Variants in SEM1 observed in about 807,000 individuals in gnomAD.
The protein encoded by SEM1 is SEM1 26S proteasome subunit.
A neutral mutation model predicts 12.7 loss-of-function variants in SEM1; 3 were observed. The ratio of observed to expected loss-of-function variants is 0.24; its 90% confidence interval spans 0.11 to 0.61. The LOEUF is 0.61. Among genes scored for constraint, SEM1 ranks in the 20% least tolerant of loss-of-function variants. SEM1 has a pLI of 0.88. For missense variants in SEM1, 59 were observed against 81.3 expected, an observed-to-expected ratio of 0.73 and a Z score of 1.06; for synonymous variants, 30 against 27.8, an observed-to-expected ratio of 1.08 and a Z score of -0.25.
intron 2 of SEM1, among the ~76,000 whole-genome samples, chr7:96,522,819 A>T (rs931904670): frequency 1.5e-5 from 2 of 135,998 alleles, no homozygotes; most frequent in African/African-American, 5.5e-5. Context: ...TGAACCTGGG[A>T]GGCGGAGGTT....
At chr7:96,706,206 A>G (rs1790456883) in intron 1 of SEM1, 1 of 152,228 alleles carries the variant, frequency 6.6e-6, no homozygotes, top group Admixed American at 6.5e-5. Flanking sequence ...GGGAAAAAAT[A>G]AAAGCAGCAT....
intron 2 of SEM1, among the ~76,000 whole-genome samples, chr7:96,651,525 A>C (rs1181808892): frequency 1.3e-5 from 2 of 152,180 alleles, no homozygotes; most frequent in African/African-American, 2.4e-5. Context: ...CTGAAGAAGA[A>C]GCTTCAACCC....
At chr7:96,704,793 ACTGG>A (rs1790394987) in intron 1 of SEM1, among the ~76,000 whole-genome samples, 1 of 152,234 alleles carries the variant, frequency 6.6e-6, no homozygotes, top group Non-Finnish European at 1.5e-5. Context: ...CATTATCAAT[ACTGG>A]TCACATCTAT....
intron 2 of SEM1, among the ~76,000 whole-genome samples, chr7:96,582,141 G>A (rs867434478): frequency 0.013 from 2,036 of 151,084 alleles, 40 homozygotes; most frequent in African/African-American, 0.046. Flanking sequence ...TTTGAAATAC[G>A]TCCCATCAAT....
intron 2 of SEM1, among the ~76,000 whole-genome samples, chr7:96,522,793 A>C (rs1804324762): frequency 7.3e-6 from 1 of 137,642 alleles, no homozygotes; most frequent in African/African-American, 2.7e-5. Flanking sequence ...CCAGGGGCTG[A>C]GGTGGGAGAA....
intron 1 of SEM1, among the ~76,000 whole-genome samples, chr7:96,487,859 A>T (rs1354021864): frequency 1.3e-5 from 2 of 150,096 alleles, no homozygotes; most frequent in Non-Finnish European, 2.9e-5. Context: ...GGAATGCAAT[A>T]GTCTACATTT....
intron 2 of SEM1, among the ~76,000 whole-genome samples, chr7:96,526,157 T>G (rs1281680479): frequency 6.6e-6 from 1 of 152,172 alleles, no homozygotes; most frequent in Non-Finnish European, 1.5e-5. Context: ...ACTAGCAATG[T>G]AGAAAATAAT....
chr7:96,556,810 CA>C (rs1805518730), intron 2 of SEM1, among the ~76,000 whole-genome samples: 1 of 136,044 alleles, frequency 7.4e-6, no homozygotes. Context: ...CCATTCTCCC[CA>C]TCACTTTCAG....
chr7:96,619,754 C>T (rs1395104160), downstream of SEM1, among the ~76,000 whole-genome samples: 1 of 152,006 alleles, frequency 6.6e-6, no homozygotes, highest in South Asian at 2.1e-4. Context: ...AAGCCTAGTC[C>T]GTAATCCCAC....
At chr7:96,534,469 T>C (rs190266137) in intron 2 of SEM1, among the ~76,000 whole-genome samples, 26 of 152,164 alleles carry the variant, frequency 1.7e-4, no homozygotes, top group Non-Finnish European at 2.9e-4. Flanking sequence ...CAGACATGGG[T>C]AAAAGGTCCA....
intron 2 of SEM1, among the ~76,000 whole-genome samples, chr7:96,572,601 G>T (rs1563066501): frequency 6.6e-6 from 1 of 152,178 alleles, no homozygotes; most frequent in Non-Finnish European, 1.5e-5. Context: ...TTTTGAGTGA[G>T]TTTCTTTATC....
intron 2 of SEM1, among the ~76,000 whole-genome samples, chr7:96,558,576 T>G (rs1395914227): frequency 6.6e-6 from 1 of 152,156 alleles, no homozygotes; most frequent in Non-Finnish European, 1.5e-5. Flanking sequence ...GGCCTAGTTG[T>G]TTCTTAAAGA....
intron 2 of SEM1, among the ~76,000 whole-genome samples, chr7:96,547,696 T>G (rs1367411762): frequency 2.0e-5 from 3 of 152,104 alleles, no homozygotes; most frequent in Non-Finnish European, 4.4e-5. Context: ...AATGGCACTT[T>G]CCCCTTTGGC....
intron 1 of SEM1, among the ~76,000 whole-genome samples, chr7:96,704,187 G>C (rs1190330448): frequency 6.6e-6 from 1 of 151,892 alleles, no homozygotes; most frequent in Non-Finnish European, 1.5e-5. Context: ...TATATCGTAT[G>C]TCTTCTGTGT....
In SEM1 at chr7:96,631,577, C is replaced by G. The variant is rs548318318; in HGVS notation, c.171-8934G>C. ...AGTGATATAAAGTTAAAACCGGAGCCTAAGACCTAAAATCATAAAAACCCT... is the reference window on the plus strand; with the variant it reads ...AGTGATATAAAGTTAAAACCGGAGCGTAAGACCTAAAATCATAAAAACCCT... On this transcript the variant is annotated intron_variant, in intron 2 of 2. Transcript: ENST00000417009. Among the ~76,000 whole-genome samples, 74 of 152,000 alleles carry G rather than the reference C, an allele frequency of 4.9e-4. 1 individual carries two copies. The highest frequency in any genetic ancestry group is 1.6e-3 in the African/African-American group (67 of 41,482).
At chr7:96,496,957 G>A (rs1487421774), upstream of SEM1, among the ~76,000 whole-genome samples, 1 of 151,840 alleles carries the variant, frequency 6.6e-6, no homozygotes, top group African/African-American at 2.4e-5. Context: ...TGGCATGTGT[G>A]CGTATTCTTC....
chr7:96,585,879 G>C (rs1482170868), intron 2 of SEM1, among the ~76,000 whole-genome samples: 1 of 152,154 alleles, frequency 6.6e-6, no homozygotes, highest in Non-Finnish European at 1.5e-5. Context: ...GCACTCCCTA[G>C]TGAGATGAAC....
At chr7:96,560,426 T>C (rs370279359) in intron 2 of SEM1, among the ~76,000 whole-genome samples, 226 of 152,306 alleles carry the variant, frequency 1.5e-3, no homozygotes, top group African/African-American at 5.0e-3. Context: ...TTATTGGCCA[T>C]CTAAATTTCT....
At chr7:96,516,917 T>C (rs1049232449) in intron 2 of SEM1, among the ~76,000 whole-genome samples, 2 of 152,034 alleles carry the variant, frequency 1.3e-5, no homozygotes, top group African/African-American at 4.8e-5. Flanking sequence ...TACCCAGCCA[T>C]GAAAAGATGT....
Sources: allele counts gnomAD v4.1 joint callset (sites outside exome capture counted in the v4.1 genomes callset), GRCh38; gene constraint gnomAD v4.1.1; transcripts MANE v1.5; gene names NCBI Gene and HGNC (gene_info 2026-07-23, HGNC 2026-07-21).